The following FGGY variants were observed in gnomAD, a reference collection of about 807,000 sequenced individuals.
FGGY encodes the protein FGGY carbohydrate kinase domain-containing protein.
FGGY carries 72 observed loss-of-function variants against 71.3 expected under a neutral mutation model. The observed-to-expected ratio is 1.01, with a 90% confidence interval of 0.84 to 1.23. The LOEUF (loss-of-function observed/expected upper bound fraction) is 1.23. FGGY is among the 50% of genes most tolerant of loss of function. The probability of loss-of-function intolerance (pLI) is 0.00; values close to 1 mark genes in which losing one functional copy is unlikely to be tolerated. For synonymous variants in FGGY, 251 were observed against 250.3 expected (o/e 1.00, Z -0.02); for missense variants, 668 against 682.3 (o/e 0.98, Z 0.23).
intron 6 of FGGY, among the ~76,000 whole-genome samples, chr1:59,484,689 A>G (rs1220550778): frequency 6.6e-6 from 1 of 152,192 alleles, no homozygotes; most frequent in Non-Finnish European, 1.5e-5. Context: ...TCCATAATTA[A>G]TATGAAGTAA....
At chr1:59,669,851 G>T (rs542644004) in intron 13 of FGGY, among the ~76,000 whole-genome samples, 4 of 152,154 alleles carry the variant, frequency 2.6e-5, no homozygotes, top group Admixed American at 6.6e-5. Flanking sequence ...CTGACTCCGC[G>T]CTGCAGCCCT....
intron 8 of FGGY, among the ~76,000 whole-genome samples, chr1:59,567,656 G>A (rs905526054): frequency 6.6e-6 from 1 of 151,632 alleles, no homozygotes; most frequent in Non-Finnish European, 1.5e-5. Context: ...GGAATTAAGG[G>A]AATGGCCCAG....
intron 11 of FGGY, among the ~76,000 whole-genome samples, chr1:59,641,930 G>A (rs2097032993): frequency 6.6e-6 from 1 of 152,092 alleles, no homozygotes; most frequent in Non-Finnish European, 1.5e-5. Context: ...CTACTTTACT[G>A]CTAATGGTTG....
At chr1:59,731,275 A>C (rs550659951) in intron 14 of FGGY, among the ~76,000 whole-genome samples, 4 of 152,372 alleles carry the variant, frequency 2.6e-5, no homozygotes, top group African/African-American at 9.6e-5. Flanking sequence ...GGCGGGAAAG[A>C]AAAATAAATG....
At chr1:59,497,088 G>C (rs1337773201) in intron 6 of FGGY, among the ~76,000 whole-genome samples, 1 of 152,180 alleles carries the variant, frequency 6.6e-6, no homozygotes, top group Non-Finnish European at 1.5e-5. Context: ...CCCCTGAATT[G>C]CTTCCAGAAG....
intron 5 of FGGY, among the ~76,000 whole-genome samples, chr1:59,390,896 C>G (rs757984291): frequency 5.3e-5 from 8 of 152,132 alleles, no homozygotes; most frequent in Non-Finnish European, 7.3e-5. Context: ...TTAATACATT[C>G]ATTCATTCAC....
At chr1:59,488,615 T>G (rs867601116) in intron 6 of FGGY, among the ~76,000 whole-genome samples, 3 of 149,942 alleles carry the variant, frequency 2.0e-5, no homozygotes, top group Admixed American at 1.3e-4. Context: ...TATATATGTA[T>G]CATTACTTTA....
chr1:59,655,219 A>G (rs1211474308), intron 11 of FGGY, among the ~76,000 whole-genome samples: 8 of 152,210 alleles, frequency 5.3e-5, no homozygotes, highest in Non-Finnish European at 1.0e-4. Flanking sequence ...GAGAAAGAGA[A>G]TGAACACTTA....
intron 8 of FGGY, among the ~76,000 whole-genome samples, chr1:59,605,393 T>G (rs1327252179): frequency 6.6e-6 from 1 of 152,164 alleles, no homozygotes; most frequent in Non-Finnish European, 1.5e-5. Flanking sequence ...CTGGTCTGCT[T>G]CCCTCTCAAG....
intron 12 of FGGY, among the ~76,000 whole-genome samples, chr1:59,660,938 T>TTG (rs1487671881): frequency 1.3e-5 from 2 of 152,098 alleles, no homozygotes; most frequent in African/African-American, 4.8e-5. Flanking sequence ...ATCCAGAAGG[T>TTG]TGTGTGTGTG....
At chr1:59,501,633 T>C (rs1383332043) in intron 6 of FGGY, among the ~76,000 whole-genome samples, 2 of 152,212 alleles carry the variant, frequency 1.3e-5, no homozygotes, top group African/African-American at 4.8e-5. Context: ...GAATTTTCCT[T>C]TTGAAACAAG....
intron 6 of FGGY, among the ~76,000 whole-genome samples, chr1:59,509,525 C>T (rs939522221): frequency 2.0e-5 from 3 of 152,166 alleles, no homozygotes; most frequent in African/African-American, 4.8e-5. Flanking sequence ...CCATCTGCCT[C>T]CCCAGCTTCC....
chr1:59,396,341 T>C (rs899317568), intron 5 of FGGY, among the ~76,000 whole-genome samples: 1 of 152,228 alleles, frequency 6.6e-6, no homozygotes, highest in African/African-American at 2.4e-5. Context: ...TGCTAAAGTT[T>C]CTGAGAAATT....
chr1:59,503,412 G>T (rs2094287214), intron 6 of FGGY, among the ~76,000 whole-genome samples: 1 of 151,636 alleles, frequency 6.6e-6, no homozygotes. Context: ...GTTACCAGTT[G>T]CTTGTTGGAC....
intron 5 of FGGY, among the ~76,000 whole-genome samples, chr1:59,403,224 G>T (rs1188114384): frequency 6.6e-6 from 1 of 152,148 alleles, no homozygotes; most frequent in East Asian, 1.9e-4. Flanking sequence ...TTTTATTTTT[G>T]TCTTCCTCTC....
At chr1:59,306,583 A>G (rs2043470915) in intron 1 of FGGY, among the ~76,000 whole-genome samples, 1 of 152,158 alleles carries the variant, frequency 6.6e-6, no homozygotes, top group Non-Finnish European at 1.5e-5. Flanking sequence ...GCCCAGGCCA[A>G]CTCTACAGGA....
chr1:59,523,402 A>C (rs2094890021), intron 7 of FGGY, among the ~76,000 whole-genome samples: 1 of 152,252 alleles, frequency 6.6e-6, no homozygotes, highest in Non-Finnish European at 1.5e-5. Flanking sequence ...CGGCAGCCTC[A>C]CATCTAAACT....
chr1:59,326,001 C>T (rs1258998029), intron 2 of FGGY, among the ~76,000 whole-genome samples: 1 of 152,152 alleles, frequency 6.6e-6, no homozygotes, highest in African/African-American at 2.4e-5. Context: ...TTAAAGGTTC[C>T]TTTATGGAGC....
rs200358653 is a variant in FGGY, at chr1:59,321,707, A to G, written c.158A>G (p.Gln53Arg). ...GAGCCCCAGTTCAACCACCATGAGC[A>G]GTCCTCCGAGGACATCTGGGCTGCG... Reference protein sequence around the residue: ...NWEPQFNHHEQSSEDIWAACC... With the variant: ...NWEPQFNHHERSSEDIWAACC... Residue 53 changes from glutamine (Q) to arginine (R), a missense_variant, in exon 2 of 16, where the codon CAG (glutamine) becomes CGG (arginine). Coordinates refer to ENST00000303721, the MANE Select transcript of FGGY (RefSeq NM_018291.5). 2.5e-6 allele frequency: 4 copies of G among 1,612,870 alleles called. No individual in the cohort carries two copies. The African/African-American group carries it at 5.3e-5, about 21-fold the overall frequency.
Sources: gnomAD v4.1 joint callset for allele counts (sites outside exome capture counted in the v4.1 genomes callset) on GRCh38, gnomAD v4.1.1 for gene constraint, MANE v1.5 for transcripts, NCBI Gene and HGNC (gene_info 2026-07-23, HGNC 2026-07-21) for gene names.